LMNTD1: variants seen among roughly 807,000 people sequenced by gnomAD.
The protein encoded by LMNTD1 is lamin tail domain containing 1.
LMNTD1 carries 35 observed loss-of-function variants against 50.9 expected under a neutral mutation model. That is an observed-to-expected ratio of 0.69 (90% CI 0.53 to 0.91). The LOEUF (loss-of-function observed/expected upper bound fraction) is 0.91, where lower values mean the gene tolerates loss of function less well. LMNTD1 is among the 40% of genes least tolerant of loss of function. LMNTD1 has a pLI of 0.00. For missense variants in LMNTD1, 470 were observed against 475.5 expected (o/e 0.99, Z 0.11); for synonymous variants, 153 against 161.9 (o/e 0.94, Z 0.42).
intron 4 of LMNTD1, among the ~76,000 whole-genome samples, chr12:25,544,055 T>C (rs1943271647): frequency 6.6e-6 from 1 of 151,964 alleles, no homozygotes; most frequent in South Asian, 2.1e-4. Context: ...TCTGCAGCAA[T>C]TGGGTGAAAT....
At chr12:25,491,997 CG>C (rs1430690349) in intron 9 of LMNTD1, among the ~76,000 whole-genome samples, 3 of 152,156 alleles carry the variant, frequency 2.0e-5, no homozygotes, top group African/African-American at 7.2e-5. Context: ...GAGAGATATA[CG>C]TCCAGAAATC....
At chr12:25,510,885 C>T (rs987964388) in intron 8 of LMNTD1, among the ~76,000 whole-genome samples, 2 of 152,124 alleles carry the variant, frequency 1.3e-5, no homozygotes, top group Admixed American at 6.5e-5. Context: ...CAATTTAACA[C>T]TTATAGTCCA....
At chr12:25,494,065 C>T (rs1166372154) in intron 9 of LMNTD1, among the ~76,000 whole-genome samples, 1 of 152,122 alleles carries the variant, frequency 6.6e-6, no homozygotes, top group African/African-American at 2.4e-5. Flanking sequence ...CAGGAGGCTC[C>T]TTGTTTTCTG....
At chr12:25,594,714 A>T (rs1376761530) in intron 1 of LMNTD1, among the ~76,000 whole-genome samples, 3 of 151,374 alleles carry the variant, frequency 2.0e-5, no homozygotes, top group Non-Finnish European at 2.9e-5. Context: ...TGGTGAATGG[A>T]ATGGCACCTC....
At chr12:25,585,009 T>C (rs768171252) in intron 1 of LMNTD1, among the ~76,000 whole-genome samples, 20 of 152,192 alleles carry the variant, frequency 1.3e-4, no homozygotes, top group African/African-American at 1.9e-4. Context: ...GCATTACTGG[T>C]TTTTATTTAA....
At position 25,569,595 on chromosome 12, in the gene LMNTD1, G is replaced by A. The variant is rs149243397; in HGVS notation, c.59-23041C>T. ...ATTTGTCCCCACCCTAGTGCAAGAC[G>A]TGGGGCCTGGTAGAAGATGACTGGA... On this transcript the variant is annotated intron_variant, in intron 1 of 7. Transcript: ENST00000445693. Among the ~76,000 whole-genome samples, 59 of 152,272 alleles carry A rather than the reference G, an allele frequency of 3.9e-4. 1 individual carries two copies. The East Asian group carries it at 9.6e-3, about 25-fold the overall frequency.
intron 4 of LMNTD1, among the ~76,000 whole-genome samples, chr12:25,528,909 A>G (rs538491833): frequency 2.6e-5 from 4 of 152,188 alleles, no homozygotes; most frequent in African/African-American, 9.6e-5. Context: ...AAAAGAGAAG[A>G]GTCCTTCTCC....
At chr12:25,495,707 T>C (rs974628392) in intron 9 of LMNTD1, among the ~76,000 whole-genome samples, 1 of 152,164 alleles carries the variant, frequency 6.6e-6, no homozygotes, top group African/African-American at 2.4e-5. Flanking sequence ...ATTTATACCA[T>C]CAGAGATGAG....
Position 25,607,546 on chromosome 12 carries a change from T to C in LMNTD1, c.58+40948A>G, listed in dbSNP as rs145072049. Among the ~76,000 whole-genome samples the C allele has an allele frequency of 9.7e-3, 1,482 of 152,328 alleles. 13 individuals are homozygous for C. The highest frequency in any genetic ancestry group is 0.014 in the Non-Finnish European group (982 of 68,022). ...CTGGTTCATTGTGTCCTTGTTCTCA[T>C]TGGTTTCAAAGAACATCTTTATTTC... On this transcript the variant is annotated intron_variant, in intron 1 of 7. Transcript: ENST00000445693.
intron 9 of LMNTD1, among the ~76,000 whole-genome samples, chr12:25,480,496 C>T (rs1314060436): frequency 6.6e-6 from 1 of 152,154 alleles, no homozygotes; most frequent in East Asian, 1.9e-4. Context: ...TGATCCTATG[C>T]TGTAGTCAAA....
chr12:25,623,896 G>C (rs1463255586), intron 1 of LMNTD1, among the ~76,000 whole-genome samples: 1 of 152,078 alleles, frequency 6.6e-6, no homozygotes, highest in African/African-American at 2.4e-5. Context: ...TGACTGCCAT[G>C]GCCTGCTCTT....
At chr12:25,601,259 C>A (rs1160776132) in intron 1 of LMNTD1, among the ~76,000 whole-genome samples, 1 of 151,722 alleles carries the variant, frequency 6.6e-6, no homozygotes, top group East Asian at 1.9e-4. Context: ...AACAGTTGAT[C>A]TCAGGAAGTT....
chr12:25,597,432 G>C (rs1191158070), intron 1 of LMNTD1, among the ~76,000 whole-genome samples: 1 of 152,018 alleles, frequency 6.6e-6, no homozygotes, highest in Non-Finnish European at 1.5e-5. Flanking sequence ...TAATGATAAA[G>C]CTGTCAATTC....
At chr12:25,601,006 T>A (rs1293753824) in intron 1 of LMNTD1, among the ~76,000 whole-genome samples, 3 of 152,040 alleles carry the variant, frequency 2.0e-5, no homozygotes, top group African/African-American at 7.2e-5. Flanking sequence ...CCCCCATGTA[T>A]GTTGGAGCAC....
chr12:25,581,699 A>G (rs969189629), intron 1 of LMNTD1, among the ~76,000 whole-genome samples: 7 of 152,144 alleles, frequency 4.6e-5, no homozygotes, highest in Non-Finnish European at 8.8e-5. Context: ...TCATTAGGTG[A>G]TTTTGGTTGT....
At chr12:25,587,790 C>A (rs756134656) in intron 1 of LMNTD1, among the ~76,000 whole-genome samples, 43 of 152,206 alleles carry the variant, frequency 2.8e-4, no homozygotes, top group Middle Eastern at 3.4e-3. Context: ...CCTAGGCCCT[C>A]AATAATTGTT....
chr12:25,611,806 C>T (rs1946251039), intron 1 of LMNTD1, among the ~76,000 whole-genome samples: 1 of 152,206 alleles, frequency 6.6e-6, no homozygotes, highest in Non-Finnish European at 1.5e-5. Flanking sequence ...AATAGCAATG[C>T]ATTCAAAAGT....
chr12:25,495,388 G>C (rs1939027998), intron 9 of LMNTD1, among the ~76,000 whole-genome samples: 1 of 151,860 alleles, frequency 6.6e-6, no homozygotes, highest in South Asian at 2.1e-4. Flanking sequence ...ATCTGTAGAT[G>C]AATTTGTTTC....
At chr12:25,505,681 C>A (rs979778660) in intron 8 of LMNTD1, among the ~76,000 whole-genome samples, 2 of 152,008 alleles carry the variant, frequency 1.3e-5, no homozygotes, top group Non-Finnish European at 2.9e-5. Flanking sequence ...ATGCACAGGA[C>A]CCGTTAGTAT....
Sources: gnomAD v4.1 joint callset for allele counts (sites outside exome capture counted in the v4.1 genomes callset) on GRCh38, gnomAD v4.1.1 for gene constraint, MANE v1.5 for transcripts, NCBI Gene and HGNC (gene_info 2026-07-23, HGNC 2026-07-21) for gene names.